The following GSR variants were observed in gnomAD, a reference collection of about 807,000 sequenced individuals.
GSR encodes glutathione reductase, mitochondrial.
A neutral mutation model predicts 56.5 loss-of-function variants in GSR; 48 were observed. The ratio of observed to expected loss-of-function variants is 0.85; its 90% CI spans 0.67 to 1.08. GSR has a LOEUF of 1.08. Ranked by LOEUF, GSR falls within the 50% of genes least tolerant of loss-of-function variation. The pLI is 0.00. For missense variants in GSR, 694 were observed against 703.3 expected, an observed-to-expected ratio of 0.99 and a Z score of 0.15; for synonymous variants, 264 against 270.8, an observed-to-expected ratio of 0.97 and a Z score of 0.25.
chr8:30,700,401 A>T (rs1016856548), intron 5 of GSR, among the ~76,000 whole-genome samples: 3 of 151,514 alleles, frequency 2.0e-5, no homozygotes, highest in Non-Finnish European at 4.4e-5. Flanking sequence ...TCATGAACAG[A>T]CTCTGTTGGA....
Position 30,726,292 on chromosome 8 carries a change from G to T in GSR, c.306+1238C>A, listed in dbSNP as rs8190894. ...TGATAAGAGACACACAAACACAGAA[G>T]CCCATCCCTGTCCTTAAAGAGCTCC... On this transcript the variant is annotated intron_variant, in intron 1 of 12. Transcript: ENST00000221130. Among the ~76,000 whole-genome samples the T allele has an allele frequency of 8.2e-3, 1,250 of 152,192 alleles. 16 individuals carry two copies. Among genetic ancestry groups the T allele is most frequent in the African/African-American group, 0.028 (1,177 of 41,534 alleles).
chr8:30,698,532 G>C (rs1563534327), intron 6 of GSR, among the ~76,000 whole-genome samples: 2 of 152,160 alleles, frequency 1.3e-5, no homozygotes, highest in Non-Finnish European at 2.9e-5. Context: ...GGTTTTCTTA[G>C]AACTCCTCCA....
At chr8:30,716,812 A>AT (rs1477327529) in intron 1 of GSR, among the ~76,000 whole-genome samples, 1 of 151,756 alleles carries the variant, frequency 6.6e-6, no homozygotes, top group Non-Finnish European at 1.5e-5. Context: ...ATCTCAAAAA[A>AT]TACACATACA....
rs759642382 is a variant in GSR, at chr8:30,727,791, G to C, written c.45C>G (p.Ser15Arg). The C allele has an allele frequency of 7.5e-6, 10 of 1,341,550 alleles. No individual in the cohort carries two copies. In the South Asian group the frequency reaches 1.4e-4, roughly 19 times the overall value. The allele number at this position is 1,341,550 out of a possible 1,614,324, so 83.1% of individuals were successfully genotyped here. ...GGAAGGCGCGCGCCGCCCGCCGCCAGCTCGGTCCCGCGCCGGCGCTCAGGG... is the reference window on the plus strand; with the variant it reads ...GGAAGGCGCGCGCCGCCCGCCGCCACCTCGGTCCCGCGCCGGCGCTCAGGG... ...PRALSAGAGP[S>R]WRRAARAFRG... is the part of the protein sequence containing the mutation. The change falls in exon 1 of 13, where the codon AGC becomes AGG. Residue 15 changes from serine to arginine, a missense_variant. By Grantham distance (110) the Ser-to-Arg change is moderately radical (BLOSUM62 -1). Transcript: ENST00000221130.
intron 4 of GSR, among the ~76,000 whole-genome samples, chr8:30,707,725 T>G (rs1803962601): frequency 6.6e-6 from 1 of 151,764 alleles, no homozygotes; most frequent in East Asian, 1.9e-4. Flanking sequence ...GAGGACAAGG[T>G]GGGCAGATCA....
At chr8:30,726,554 G>T (rs8190890) in intron 1 of GSR, among the ~76,000 whole-genome samples, 14,374 of 152,028 alleles carry the variant, frequency 0.095, 2,103 homozygotes, top group African/African-American at 0.31. Context: ...AGTCCAAGAG[G>T]TTGAAATCAG....
intron 9 of GSR, among the ~76,000 whole-genome samples, chr8:30,687,349 A>G (rs2739001): frequency 6.6e-6 from 1 of 152,094 alleles, no homozygotes; most frequent in Non-Finnish European, 1.5e-5. Flanking sequence ...AGCTCTATCA[A>G]ATATATACGC....
chr8:30,717,098 G>A (rs772008963), intron 1 of GSR, among the ~76,000 whole-genome samples: 73 of 152,062 alleles, frequency 4.8e-4, no homozygotes, highest in South Asian at 1.5e-3. Flanking sequence ...TTAGCTGGGC[G>A]TGGTAGCACA....
chr8:30,722,430 A>G (rs529185329), intron 1 of GSR, among the ~76,000 whole-genome samples: 1 of 152,270 alleles, frequency 6.6e-6, no homozygotes, highest in African/African-American at 2.4e-5. Context: ...ATTGCATTTA[A>G]TAATGCATGT....
In GSR at chr8:30,700,199, C is replaced by T. The variant is rs1406222055; in HGVS notation, c.641-64G>A. 5.2e-6 allele frequency: 6 copies of T among 1,155,306 alleles called. No homozygotes were observed. In the East Asian group the frequency reaches 1.2e-4, roughly 22 times the overall value. The allele number at this position is 1,155,306 out of a possible 1,614,324, so 71.6% of individuals were successfully genotyped here. A position where few individuals can be genotyped will look rare whatever the true frequency, so the allele number is the denominator to read the frequency against. ...TCTTTCTCTTGCAAAGTAATCACAA[C>T]ATTTTATGCCAAAAACCAAACACTT... On this transcript the variant is annotated intron_variant, in intron 5 of 12. Coordinates refer to ENST00000221130, the MANE Select transcript of GSR (RefSeq NM_000637.5).
Position 30,696,361 on chromosome 8 carries a change from A to T in GSR, c.795+19T>A. The T allele has an allele frequency of 1.4e-6, 2 of 1,460,730 alleles. No individual in the cohort carries two copies. Among genetic ancestry groups the T allele is most frequent in the South Asian group, 2.3e-5 (2 of 88,054 alleles). 90.5% of individuals were successfully genotyped at this position (1,460,730 alleles called of 1,614,324 possible). A position where few individuals can be genotyped will look rare whatever the true frequency, so the allele number is the denominator to read the frequency against. ...TAAATTAACATCAAGAAAAGCGAAA[A>T]GAAAAAGGTGGCATTTACCTTATCA... On this transcript the variant is annotated intron_variant, in intron 7 of 12. Transcript: ENST00000221130.
At position 30,693,005 on chromosome 8, in the gene GSR, C is replaced by T. The variant is rs781538317; in HGVS notation, c.846G>A (p.Leu282=). 1.9e-6 allele frequency: 3 copies of T among 1,613,164 alleles called. No individual in the cohort carries two copies. Among genetic ancestry groups the T allele is most frequent in the South Asian group, 1.1e-5 (1 of 91,072 alleles). The change falls in exon 8 of 13, where the codon CTG becomes CTA. Residue 282 remains leucine (L), a synonymous_variant. Coordinates refer to ENST00000221130, the MANE Select transcript of GSR (RefSeq NM_000637.5). The part of the protein sequence containing the change: ...SMISTNCTEE[L]ENAGVEVLKF... ...TCAGCACCTCCACGCCAGCGTTCTC[C>T]AGCTCCTCCGTGCAGTTGGTGCTGA... is the stretch of plus-strand genomic sequence containing the variant.
chr8:30,708,433 C>T (rs1466513498), intron 3 of GSR, among the ~76,000 whole-genome samples: 1 of 152,216 alleles, frequency 6.6e-6, no homozygotes, highest in African/African-American at 2.4e-5. Context: ...GTGCACAGGA[C>T]GTGGTGGGCA....
At chr8:30,696,282 C>A in intron 7 of GSR, 98 bp downstream of exon 7, 1 of 877,288 alleles carries the variant, frequency 1.1e-6, no homozygotes, top group Non-Finnish European at 2.0e-6. Context: ...GACCCCCACA[C>A]CTGCTTTGCA....
rs190130213 is a variant in GSR, at chr8:30,719,884, A to G, written c.306+7646T>C. On this transcript the variant is annotated intron_variant, in intron 1 of 12. Coordinates refer to ENST00000221130, the MANE Select transcript of GSR (RefSeq NM_000637.5). The stretch of plus-strand genomic sequence containing the variant: ...TAAAACAAGAACTTGGTTAATCTGC[A>G]ATTGCGCCTGCCAAGAACATCAACT... Among the ~76,000 whole-genome samples, 23 of 152,284 alleles carry G rather than the reference A, an allele frequency of 1.5e-4. No homozygotes were observed. In the East Asian group the frequency reaches 4.4e-3, roughly 29 times the overall value.
intron 6 of GSR, among the ~76,000 whole-genome samples, chr8:30,697,443 A>C (rs1181617267): frequency 6.6e-6 from 1 of 151,694 alleles, no homozygotes; most frequent in Non-Finnish European, 1.5e-5. Flanking sequence ...ACAAACAAAC[A>C]AACAAACAAA....
intron 4 of GSR, among the ~76,000 whole-genome samples, chr8:30,706,396 G>C (rs373307542): frequency 1.3e-5 from 2 of 151,938 alleles, no homozygotes; most frequent in Non-Finnish European, 2.9e-5. Context: ...CCAGCTACTC[G>C]GGAGGCTGAG....
chr8:30,721,110 T>A (rs931491478), intron 1 of GSR, among the ~76,000 whole-genome samples: 6 of 151,384 alleles, frequency 4.0e-5, no homozygotes, highest in African/African-American at 9.7e-5. Flanking sequence ...AACAAAAAAA[T>A]TTAAAAAATA....
intron 1 of GSR, among the ~76,000 whole-genome samples, chr8:30,719,447 C>T (rs574458761): frequency 6.6e-6 from 1 of 151,994 alleles, no homozygotes; most frequent in South Asian, 2.1e-4. Context: ...GATGGGGTTT[C>T]ACCATGTTGA....
Sources: allele counts gnomAD v4.1 joint callset (sites outside exome capture counted in the v4.1 genomes callset), GRCh38; gene constraint gnomAD v4.1.1; transcripts MANE v1.5; gene names NCBI Gene and HGNC (gene_info 2026-07-23, HGNC 2026-07-21).